C10orf143: variants seen among roughly 807,000 people sequenced by gnomAD.
The protein encoded by C10orf143 is chromosome 10 open reading frame 143, also known as uncharacterized protein C10orf143.
chr10:130,105,528 C>T, intron 1 of C10orf143, among the ~76,000 whole-genome samples: 1 of 152,176 alleles, frequency 6.6e-6, no homozygotes, highest in African/African-American at 2.4e-5. Flanking sequence ...GTCAGGAGTT[C>T]GAGACCAGTC....
At chr10:130,046,563 T>G (rs1202659186) in intron 3 of C10orf143, among the ~76,000 whole-genome samples, 3 of 152,260 alleles carry the variant, frequency 2.0e-5, no homozygotes, top group African/African-American at 7.2e-5. Flanking sequence ...TGCTACCATT[T>G]GATTTAATTT....
chr10:130,081,290 C>T (rs926240628), intron 1 of C10orf143, among the ~76,000 whole-genome samples: 7 of 151,976 alleles, frequency 4.6e-5, no homozygotes, highest in African/African-American at 1.5e-4. Flanking sequence ...TCATGAACAC[C>T]TATGAGCCGA....
At chr10:130,073,402 A>C (rs1398576368) in intron 3 of C10orf143, among the ~76,000 whole-genome samples, 1 of 152,188 alleles carries the variant, frequency 6.6e-6, no homozygotes, top group African/African-American at 2.4e-5. Context: ...TTCAGGCTCT[A>C]AACTTTATGC....
chr10:130,060,148 T>C, downstream of C10orf143, among the ~76,000 whole-genome samples: 1 of 152,258 alleles, frequency 6.6e-6, no homozygotes, highest in African/African-American at 2.4e-5. Context: ...TTGTCCTGCC[T>C]ACTTTTGTGG....
chr10:130,060,083 G>A (rs1860837719), downstream of C10orf143, among the ~76,000 whole-genome samples: 1 of 152,032 alleles, frequency 6.6e-6, no homozygotes, highest in Admixed American at 6.6e-5. Context: ...GACTGGCAGT[G>A]GCCGATCATC....
intron 1 of C10orf143, among the ~76,000 whole-genome samples, chr10:130,089,783 G>T (rs1861351267): frequency 6.6e-6 from 1 of 152,192 alleles, no homozygotes; most frequent in Non-Finnish European, 1.5e-5. Flanking sequence ...TGACAAGGGT[G>T]CCAAGAAAAT....
intron 3 of C10orf143, among the ~76,000 whole-genome samples, chr10:130,074,123 G>A (rs779820552): frequency 5.1e-4 from 77 of 152,266 alleles, no homozygotes; most frequent in Non-Finnish European, 9.4e-4. Flanking sequence ...GAGTGATGCC[G>A]GCATGCTGAC....
intron 3 of C10orf143, among the ~76,000 whole-genome samples, chr10:130,071,588 G>T (rs1164815436): frequency 3.3e-5 from 5 of 152,150 alleles, no homozygotes; most frequent in African/African-American, 1.2e-4. Flanking sequence ...AATGATGAAA[G>T]AATTCTGATA....
intron 1 of C10orf143, chr10:130,107,146 A>C (rs1861663992): frequency 6.3e-7 from 1 of 1,599,570 alleles, no homozygotes; most frequent in East Asian, 2.2e-5. Context: ...CAGAAAACAC[A>C]CATTTTGAAA....
chr10:130,070,416 G>A (rs1410257415), intron 3 of C10orf143, among the ~76,000 whole-genome samples: 1 of 152,160 alleles, frequency 6.6e-6, no homozygotes, highest in African/African-American at 2.4e-5. Flanking sequence ...GGCATCTATT[G>A]CTACTAATGA....
intron 3 of C10orf143, among the ~76,000 whole-genome samples, chr10:130,049,414 A>C (rs1358144228): frequency 6.6e-6 from 1 of 152,214 alleles, no homozygotes; most frequent in African/African-American, 2.4e-5. Flanking sequence ...CCAAGTGGAA[A>C]ACATGCCCCG....
intron 3 of C10orf143, among the ~76,000 whole-genome samples, chr10:130,040,492 A>C (rs1860593746): frequency 6.6e-6 from 1 of 152,208 alleles, no homozygotes; most frequent in Non-Finnish European, 1.5e-5. Context: ...AGGCAGCAGC[A>C]AGTCTCCTGA....
At chr10:130,080,881 AGAG>A (rs555918054) in intron 1 of C10orf143, among the ~76,000 whole-genome samples, 111 of 152,362 alleles carry the variant, frequency 7.3e-4, no homozygotes, top group Non-Finnish European at 1.2e-3. Flanking sequence ...GAAAAGGAAG[AGAG>A]GAGAATTCTC....
At chr10:130,067,952 C>T (rs372763695) in intron 3 of C10orf143, 8 of 152,336 alleles carry the variant, frequency 5.3e-5, no homozygotes, top group East Asian at 3.9e-4. Flanking sequence ...CTGGGAGCCG[C>T]GAGGGACAGT....
intron 3 of C10orf143, chr10:130,068,042 G>A (rs1311253634): frequency 6.6e-6 from 1 of 152,512 alleles, no homozygotes; most frequent in African/African-American, 2.4e-5. Flanking sequence ...GCTGCTGAGT[G>A]ACACTGGCCA....
At chr10:130,085,250 C>T (rs1072853) in intron 1 of C10orf143, among the ~76,000 whole-genome samples, 90,051 of 151,976 alleles carry the variant, frequency 0.59, 27,512 homozygotes, top group Admixed American at 0.71. Context: ...CCCCAAGATT[C>T]GTATTAATTG....
At position 130,110,728 on chromosome 10, in the gene C10orf143, C is replaced by T. The variant is rs1861754433; in HGVS notation, c.45G>A (p.Glu15=). ...CCACGTCCCCCGGAACCTGCAGATC[C>T]TCCGCCCTCCGCTGTCGCCAGCGGC... is the stretch of plus-strand genomic sequence containing the variant. The part of the protein sequence containing the change: ...ALGRWRQRRA[E]DLQVPGDVKR... Residue 15 remains glutamate (E), a synonymous_variant, in exon 1 of 4, where the codon GAG becomes GAA. Coordinates refer to ENST00000637128, the MANE Select transcript of C10orf143 (RefSeq NM_001355042.2). 2 of 398,974 alleles carry T rather than the reference C, an allele frequency of 5.0e-6. No individual in the cohort carries two copies. Among genetic ancestry groups the T allele is most frequent in the Non-Finnish European group, 8.8e-6 (2 of 226,118 alleles). The allele number at this position is 398,974 out of a possible 1,614,324, so 24.7% of individuals were successfully genotyped here.
At chr10:130,045,672 A>G (rs1377171765) in intron 3 of C10orf143, among the ~76,000 whole-genome samples, 2 of 152,256 alleles carry the variant, frequency 1.3e-5, no homozygotes, top group African/African-American at 2.4e-5. Flanking sequence ...CTGCCATGGT[A>G]TGTCCAGCCA....
At chr10:130,085,260 G>A (rs1009986262) in intron 1 of C10orf143, among the ~76,000 whole-genome samples, 2 of 152,180 alleles carry the variant, frequency 1.3e-5, no homozygotes, top group African/African-American at 4.8e-5. Flanking sequence ...CGTATTAATT[G>A]TAAAGAGAAA....
Sources: gnomAD v4.1 joint callset for allele counts (sites outside exome capture counted in the v4.1 genomes callset) on GRCh38, gnomAD v4.1.1 for gene constraint, MANE v1.5 for transcripts, NCBI Gene and HGNC (gene_info 2026-07-23, HGNC 2026-07-21) for gene names.